The following TOP1MT variants were observed in gnomAD, a reference collection of about 807,000 sequenced individuals.
TOP1MT encodes the protein DNA topoisomerase I mitochondrial.
A neutral mutation model predicts 73.9 loss-of-function variants in TOP1MT; 80 were observed. The observed-to-expected ratio is 1.08, with a 90% CI of 0.90 to 1.30. The LOEUF is 1.30. Among genes scored for constraint, TOP1MT ranks in the 50% most tolerant of loss-of-function variants. The probability of loss-of-function intolerance (pLI) is 0.00; values close to 1 mark genes in which losing one functional copy is unlikely to be tolerated. For synonymous variants in TOP1MT, 338 were observed against 326.4 expected, an observed-to-expected ratio of 1.04 and a Z score of -0.38; for missense variants, 815 against 808.0, an observed-to-expected ratio of 1.01 and a Z score of -0.10.
chr8:143,309,344 C>G lies in TOP1MT; in HGVS notation c.*97G>C. On this transcript the variant is annotated 3_prime_UTR_variant, in exon 14 of 14. Transcript: ENST00000329245. ...GGGACTTTTTCTAGTGATGTACAAG[C>G]ACTTGCACACATTTTATTGTACAAA... 7.6e-7 allele frequency: 1 copy of G among 1,319,316 alleles called. No homozygotes were observed. The highest frequency in any genetic ancestry group is 1.1e-6 in the Non-Finnish European group (1 of 949,244). 81.7% of individuals were successfully genotyped at this position (1,319,316 alleles called of 1,614,324 possible).
chr8:143,333,319 G>C (rs982456208), intron 1 of TOP1MT, among the ~76,000 whole-genome samples: 5 of 152,148 alleles, frequency 3.3e-5, no homozygotes, highest in African/African-American at 1.2e-4. Context: ...GTGGTGGCGG[G>C]TGCCTGTAAT....
rs539492077 is a variant in TOP1MT at position 143,341,348 on chromosome 8, C to T, written c.29+1872G>A. Among the ~76,000 whole-genome samples, 10 of 152,210 alleles carry T rather than the reference C, an allele frequency of 6.6e-5. No homozygotes were observed. The highest frequency in any genetic ancestry group is 1.0e-4 in the Non-Finnish European group (7 of 68,044). ...GCACCGCCTGCAGGGCCATGCCCTT[C>T]TATCTCTTCTCTTGGGTGTCAGGAC... On this transcript the variant is annotated intron_variant, in intron 2 of 5. Coordinates refer to the TOP1MT transcript ENST00000518007. This position sits in a 1 kb window ranked among gnomAD's most constrained non-coding sequence, Gnocchi z 4.1.
intron 4 of TOP1MT, among the ~76,000 whole-genome samples, 161 bp downstream of exon 4, chr8:143,326,061 G>A (rs113008853): frequency 0.012 from 1,891 of 152,316 alleles, 39 homozygotes; most frequent in African/African-American, 0.04. Flanking sequence ...GAAGCGGAAC[G>A]ACACTTAAGC....
At chr8:143,337,550 A>G (rs909011665), upstream of TOP1MT, among the ~76,000 whole-genome samples, 3 of 152,216 alleles carry the variant, frequency 2.0e-5, no homozygotes, top group African/African-American at 7.2e-5. Context: ...AGCCAAAACA[A>G]TGTTTGAAAA....
chr8:143,318,846 C>T (rs1455910918), intron 8 of TOP1MT, among the ~76,000 whole-genome samples: 1 of 152,128 alleles, frequency 6.6e-6, no homozygotes, highest in African/African-American at 2.4e-5. Flanking sequence ...GCCCACAGCT[C>T]CCGACTTCTG....
At chr8:143,349,241 C>A (rs545216682), upstream of TOP1MT, among the ~76,000 whole-genome samples, 6 of 152,242 alleles carry the variant, frequency 3.9e-5, no homozygotes, top group South Asian at 8.3e-4. Flanking sequence ...CACACCCAAC[C>A]AAATCAGAGT....
At chr8:143,354,574 TG>T (rs1434824195) in intron 1 of TOP1MT, among the ~76,000 whole-genome samples, 1 of 151,832 alleles carries the variant, frequency 6.6e-6, no homozygotes, top group African/African-American at 2.4e-5. Flanking sequence ...TAGCCAGGCG[TG>T]GTGGTGCATG....
At chr8:143,319,650 C>T (rs1816273592) in intron 8 of TOP1MT, among the ~76,000 whole-genome samples, 1 of 152,014 alleles carries the variant, frequency 6.6e-6, no homozygotes, top group Non-Finnish European at 1.5e-5. Context: ...CAGCCCTTCC[C>T]GACCACACTC....
chr8:143,325,594 C>T lies in TOP1MT; in HGVS notation c.484-61G>A, dbSNP rs180984779. 2.1e-5 allele frequency: 31 copies of T among 1,512,018 alleles called. No homozygotes were observed. The East Asian group carries it at 2.3e-4, about 11-fold the overall frequency. The allele number at this position is 1,512,018 out of a possible 1,614,324, so 93.7% of individuals were successfully genotyped here. A position where few individuals can be genotyped will look rare whatever the true frequency, so the allele number is the denominator to read the frequency against. On this transcript the variant is annotated intron_variant, in intron 4 of 13. Transcript: ENST00000329245. ...GAAGAGAAGAGAACAGGCCTCAGTC[C>T]GTTGTTGCTAACCCGGGACCACCCT...
intron 1 of TOP1MT, among the ~76,000 whole-genome samples, chr8:143,333,210 GC>G (rs1357996948): frequency 6.6e-6 from 1 of 152,164 alleles, no homozygotes; most frequent in Non-Finnish European, 1.5e-5. Flanking sequence ...ACTTTGGGAG[GC>G]CGAGGCGGGC....
At chr8:143,355,818 A>G (rs1817398028) in intron 1 of TOP1MT, 1 of 152,198 alleles carries the variant, frequency 6.6e-6, no homozygotes. Flanking sequence ...AGACTGGAAA[A>G]AGAACACGAG....
At chr8:143,332,346 A>G (rs556817872) in intron 1 of TOP1MT, 2 of 540,634 alleles carry the variant, frequency 3.7e-6, no homozygotes, top group Admixed American at 5.4e-5. Context: ...AGCACCCAGG[A>G]TGGCCAGTGC....
intron 7 of TOP1MT, 46 bp from the exon 8 acceptor site, chr8:143,321,432 C>T (rs574454968): frequency 4.6e-6 from 7 of 1,505,492 alleles, no homozygotes; most frequent in East Asian, 4.7e-5. Context: ...TGCACACGCA[C>T]GCCACACACA....
rs1246428467 is a variant in TOP1MT at position 143,309,447 on chromosome 8, T to C, written c.1800A>G (p.Glu600=). The C allele has an allele frequency of 5.0e-6, 8 of 1,613,388 alleles. No individual in the cohort carries two copies. Among genetic ancestry groups the C allele is most frequent in the Non-Finnish European group, 6.8e-6 (8 of 1,179,950 alleles). Residue 600 remains glutamate, a synonymous_variant, in exon 14 of 14, where the codon GAA becomes GAG. Coordinates refer to ENST00000329245, the MANE Select transcript of TOP1MT (RefSeq NM_052963.3). ...GTTTCAACACGGCTCGTCGTTAGAA[T>C]TCAAAGTCTTCTCCTGCCATGGCGA... ...WALAMAGEDF[E]F
chr8:143,323,722 C>T lies in TOP1MT; in HGVS notation c.960+277G>A, dbSNP rs1409307851. ...CACAGGCACACCACACACATGCACGCCACACACACATGCACGCCACACACA... is the reference window on the plus strand; with the variant it reads ...CACAGGCACACCACACACATGCACGTCACACACACATGCACGCCACACACA... On this transcript the variant is annotated intron_variant, in intron 7 of 13. Transcript: ENST00000329245. 8.6e-5 allele frequency among the ~76,000 whole-genome samples: 8 copies of T among 92,878 alleles called. 3 individuals carry two copies. The highest frequency in any genetic ancestry group is 3.0e-4 in the Admixed American group (2 of 6,594). 60.9% of individuals were successfully genotyped at this position (92,878 alleles called of 152,430 possible). A position where few individuals can be genotyped will look rare whatever the true frequency, so the allele number is the denominator to read the frequency against.
At chr8:143,332,609 G>A in intron 1 of TOP1MT, 1 of 1,267,390 alleles carries the variant, frequency 7.9e-7, no homozygotes, top group Non-Finnish European at 1.0e-6. Context: ...GGTCTGAGAG[G>A]GGAAAGCATG....
chr8:143,326,496 C>T (rs1025013421), intron 3 of TOP1MT, 152 bp from the exon 4 acceptor site: 31 of 984,668 alleles, frequency 3.1e-5, no homozygotes, highest in Non-Finnish European at 4.2e-5. Flanking sequence ...CCTGCGGCCC[C>T]GTAAATAGAG....
At chr8:143,324,770 G>T in intron 5 of TOP1MT, 141 bp from the exon 6 acceptor site, 1 of 1,036,490 alleles carries the variant, frequency 9.6e-7, no homozygotes, top group Non-Finnish European at 1.4e-6. Flanking sequence ...ATCAGAGGTG[G>T]CCTGCCTGGC....
intron 3 of TOP1MT, 70 bp from the exon 4 acceptor site, chr8:143,326,414 CTGACGGA>C (rs1321195882): frequency 1.9e-6 from 3 of 1,593,274 alleles, no homozygotes; most frequent in African/African-American, 2.7e-5. Context: ...CTCGCCATGT[CTGACGGA>C]CAGAAACGCG....
Sources: gnomAD v4.1 joint callset for allele counts (sites outside exome capture counted in the v4.1 genomes callset) on GRCh38, gnomAD v4.1.1 for gene constraint, Gnocchi (gnomAD v3.1) non-coding constraint, MANE v1.5 for transcripts, NCBI Gene and HGNC (gene_info 2026-07-23, HGNC 2026-07-21) for gene names.